Variants in SANBR observed in about 807,000 individuals in gnomAD.
The protein encoded by SANBR is SANT and BTB domain regulator of CSR, also known as SANT and BTB domain regulator of class switch recombination.
In SANBR, 77 loss-of-function variants were observed where a neutral mutation model predicts 101.8. The observed-to-expected ratio is 0.76, with a 90% CI of 0.63 to 0.91. The LOEUF (loss-of-function observed/expected upper bound fraction) is 0.91, where lower values mean the gene tolerates loss of function less well. Among genes scored for constraint, SANBR ranks in the 40% least tolerant of loss-of-function variants. The pLI, the probability that SANBR is intolerant of heterozygous loss-of-function variation, is 0.00. For missense variants in SANBR, 875 were observed against 853.0 expected (o/e 1.03, Z -0.32); for synonymous variants, 279 against 274.7 (o/e 1.02, Z -0.15).
Position 61,077,157 on chromosome 2 carries a change from A to G in SANBR, c.669A>G (p.Leu223=), listed in dbSNP as rs775894668. ...ATAAAGATTGTGAGATGCCCACTTT[A>G]GGTAAAAAACAATCTGTTGCTTAAT... ...KENKDCEMPT[L]EPGNVISILI... The change falls in exon 6 of 22, where the codon TTA becomes TTG. Residue 223 remains leucine (L), a splice_region_variant and synonymous_variant. Transcript: ENST00000402291. 8.2e-6 allele frequency: 13 copies of G among 1,580,946 alleles called. No homozygotes were observed. The highest frequency in any genetic ancestry group is 1.1e-5 in the Non-Finnish European group (13 of 1,151,288).
chr2:61,106,753 T>G (rs527696225), intron 14 of SANBR, 91 bp downstream of exon 14: 6 of 730,082 alleles, frequency 8.2e-6, no homozygotes, highest in Non-Finnish European at 6.6e-6. Flanking sequence ...TAAGTTGAAA[T>G]TGAACTGACT....
intron 6 of SANBR, 33 bp from the exon 7 acceptor site, chr2:61,081,419 C>T: frequency 5.8e-6 from 9 of 1,559,652 alleles, no homozygotes; most frequent in Non-Finnish European, 6.9e-6. Flanking sequence ...GGGTACCCAT[C>T]AAAAGGGTAA....
chr2:61,119,770 C>T (rs924766974), intron 20 of SANBR, among the ~76,000 whole-genome samples: 8 of 151,890 alleles, frequency 5.3e-5, no homozygotes, highest in East Asian at 1.9e-4. Context: ...CCAGCCTGGG[C>T]GACATGATGA....
At chr2:61,106,787 G>T in intron 14 of SANBR, 125 bp downstream of exon 14, 1 of 576,444 alleles carries the variant, frequency 1.7e-6, no homozygotes. Flanking sequence ...AAGGTATTAT[G>T]CCTAGTAATA....
intron 13 of SANBR, 144 bp downstream of exon 13, chr2:61,104,142 T>C: frequency 1.4e-6 from 1 of 702,890 alleles, no homozygotes; most frequent in Non-Finnish European, 2.4e-6. Context: ...TATGTTAGCT[T>C]ACAGTAAGAG....
chr2:61,097,850 A>G lies in SANBR; in HGVS notation c.1363A>G (p.Lys455Glu). Residue 455 changes from lysine (K) to glutamate (E), a missense_variant and splice_region_variant, in exon 12 of 22, where the codon AAG becomes GAG. Lys to Glu is a moderately conservative substitution (Grantham distance 56, BLOSUM62 1). Coordinates refer to ENST00000402291, the MANE Select transcript of SANBR (RefSeq NM_001129993.3). ...TCGGTTTGATCCTACTCAGCTTACAAAGGTGAATTTTGAATATTGCCCTTA... is the reference window on the plus strand; with the variant it reads ...TCGGTTTGATCCTACTCAGCTTACAGAGGTGAATTTTGAATATTGCCCTTA... The part of the protein sequence containing the change: ...VLRFDPTQLT[K>E]GCKVRDHMVT... 1 of 1,610,206 alleles carries G rather than the reference A, an allele frequency of 6.2e-7. No individual in the cohort carries two copies. The highest frequency in any genetic ancestry group is 8.5e-7 in the Non-Finnish European group (1 of 1,177,942).
At chr2:61,088,503 G>GTA (rs371063167) in intron 10 of SANBR, 35 bp downstream of exon 10, 20,114 of 1,077,434 alleles carry the variant, frequency 0.019, 1 homozygote, top group Non-Finnish European at 0.021. Flanking sequence ...ATGTATTTTT[G>GTA]TATATATATA....
intron 2 of SANBR, chr2:61,069,661 C>T (rs1335440795): frequency 6.6e-6 from 1 of 152,298 alleles, no homozygotes; most frequent in Non-Finnish European, 1.5e-5. Context: ...GATGCAGTGC[C>T]TGGCACACAG....
chr2:61,122,089 A>G (rs1040075287), intron 21 of SANBR, 37 bp from the exon 22 acceptor site: 1 of 1,544,712 alleles, frequency 6.5e-7, no homozygotes, highest in Non-Finnish European at 8.7e-7. Context: ...TTGTTTTAGA[A>G]GCAATTCTGA....
rs1683672890 is a variant in SANBR, at chr2:61,108,344, C to T, written c.1639C>T (p.Gln547Ter). 6.4e-7 allele frequency: 1 copy of T among 1,570,236 alleles called. No homozygotes were observed. The highest frequency in any genetic ancestry group is 8.7e-7 in the Non-Finnish European group (1 of 1,153,096). ...AFLSLKNWTLQLKQQSLFSEE... is the reference protein window; with the variant it reads ...AFLSLKNWTL ...CTTGTCATTGAAAAACTGGACTCTACAACTGGTAAGTGAGCAATTACAGTT... is the reference window on the plus strand; with the variant it reads ...CTTGTCATTGAAAAACTGGACTCTATAACTGGTAAGTGAGCAATTACAGTT... Residue 547 changes from glutamine to a stop codon, truncating the protein, a stop_gained, in exon 15 of 22, where the codon CAA becomes TAA. Transcript: ENST00000402291. LOFTEE classifies it high-confidence loss of function.
Position 61,083,242 on chromosome 2 carries a change from T to C in SANBR, c.818T>C (p.Leu273Pro). 6.2e-7 allele frequency: 1 copy of C among 1,610,914 alleles called. No individual in the cohort carries two copies. Among genetic ancestry groups the C allele is most frequent in the Non-Finnish European group, 8.5e-7 (1 of 1,177,134 alleles). Reference sequence around the variant, plus strand: ...ATGAACTGTATTAATGCAAATCTTCTCACACGTATAGCTGATCTGTTCTCA... The same window carrying C: ...ATGAACTGTATTAATGCAAATCTTCCCACACGTATAGCTGATCTGTTCTCA... Reference protein sequence around the residue: ...CNMNCINANLLTRIADLFSHN... With the variant: ...CNMNCINANLPTRIADLFSHN... The change falls in exon 8 of 22, where the codon CTC becomes CCC. Residue 273 changes from leucine to proline, a missense_variant. Physicochemically the swap from Leu to Pro is moderately conservative, Grantham distance 98. Coordinates refer to ENST00000402291, the MANE Select transcript of SANBR (RefSeq NM_001129993.3).
intron 10 of SANBR, among the ~76,000 whole-genome samples, chr2:61,091,204 G>A (rs1682737768): frequency 1.3e-5 from 2 of 152,144 alleles, no homozygotes; most frequent in Non-Finnish European, 2.9e-5. Context: ...AGCAGTTTGG[G>A]AGGCTGAGTC....
intron 20 of SANBR, among the ~76,000 whole-genome samples, chr2:61,120,506 A>G (rs900743018): frequency 7.2e-5 from 11 of 152,294 alleles, no homozygotes; most frequent in Admixed American, 6.5e-4. Flanking sequence ...CATCTCAAAA[A>G]GAACATTGAG....
chr2:61,111,045 G>A (rs1683805183), intron 16 of SANBR, among the ~76,000 whole-genome samples: 1 of 152,108 alleles, frequency 6.6e-6, no homozygotes, highest in African/African-American at 2.4e-5. Flanking sequence ...CATTCTCTTA[G>A]AGAATTGAAT....
chr2:61,122,874 G>A lies in SANBR; in HGVS notation c.*712G>A. On this transcript the variant is annotated 3_prime_UTR_variant, in exon 22 of 22. Coordinates refer to ENST00000402291, the MANE Select transcript of SANBR (RefSeq NM_001129993.3). ...TCCTCTGTGAAACTAGTGGCATTCT[G>A]AATTTGGTAAAATAACCATTGATAG... 1.0e-6 allele frequency: 1 copy of A among 985,008 alleles called. No individual in the cohort carries two copies. The highest frequency in any genetic ancestry group is 4.7e-5 in the South Asian group (1 of 21,270). 61.0% of individuals were successfully genotyped at this position (985,008 alleles called of 1,614,324 possible). A position where few individuals can be genotyped will look rare whatever the true frequency, so the allele number is the denominator to read the frequency against.
chr2:61,123,549 GT>G lies in SANBR; in HGVS notation c.*1388del, dbSNP rs1684416526. 1 of 962,622 alleles carries G rather than the reference GT, an allele frequency of 1.0e-6. No homozygotes were observed. Among genetic ancestry groups the G allele is most frequent in the African/African-American group, 1.8e-5 (1 of 56,680 alleles). The allele number at this position is 962,622 out of a possible 1,614,324, so 59.6% of individuals were successfully genotyped here. On this transcript the variant is annotated 3_prime_UTR_variant, in exon 22 of 22. Coordinates refer to ENST00000402291, the MANE Select transcript of SANBR (RefSeq NM_001129993.3). Reference sequence around the variant, plus strand: ...TATTTTCGAAAGAAAATGTCTTGTAGTACATATTATATGTAAGTACTCTGTT... The same window carrying G: ...TATTTTCGAAAGAAAATGTCTTGTAGACATATTATATGTAAGTACTCTGTT...
chr2:61,077,236 G>A (rs1028356477), intron 6 of SANBR, 78 bp downstream of exon 6: 37 of 1,012,408 alleles, frequency 3.7e-5, no homozygotes, highest in African/African-American at 1.6e-5. Flanking sequence ...AAAGTGAAAT[G>A]TGGAAAATTG....
chr2:61,094,125 A>G (rs1682913007), intron 11 of SANBR: 1 of 966,606 alleles, frequency 1.0e-6, no homozygotes, highest in South Asian at 4.8e-5. Context: ...TGTTCCCACA[A>G]TTTTAAAAAG....
At chr2:61,130,522 C>T (rs560791161) in intron 20 of SANBR, among the ~76,000 whole-genome samples, 21 of 152,240 alleles carry the variant, frequency 1.4e-4, no homozygotes, top group South Asian at 2.1e-4. Context: ...CCTCAACATA[C>T]GCTAGCACAA....
Sources: allele counts gnomAD v4.1 joint callset (sites outside exome capture counted in the v4.1 genomes callset), GRCh38; gene constraint gnomAD v4.1.1; transcripts MANE v1.5; gene names NCBI Gene and HGNC (gene_info 2026-07-23, HGNC 2026-07-21).